NOXA1: variants seen among roughly 807,000 people sequenced by gnomAD.
The protein encoded by NOXA1 is NCF2-like protein.
A neutral mutation model predicts 64.8 loss-of-function variants in NOXA1; 56 were observed. That is an observed-to-expected ratio of 0.86 (90% CI 0.70 to 1.08). NOXA1 has a LOEUF of 1.08. Among genes scored for constraint, NOXA1 ranks in the 50% least tolerant of loss-of-function variants. The pLI is 0.00. For missense variants in NOXA1, 668 were observed against 658.5 expected, an observed-to-expected ratio of 1.01 and a Z score of -0.16; for synonymous variants, 295 against 294.8, an observed-to-expected ratio of 1.00 and a Z score of -0.01.
chr9:137,426,048 G>T (rs1838834712), intron 1 of NOXA1, among the ~76,000 whole-genome samples, 200 bp from the exon 2 acceptor site: 1 of 152,190 alleles, frequency 6.6e-6, no homozygotes, highest in East Asian at 1.9e-4. Flanking sequence ...GGTTGGGGTT[G>T]GGTGGGCTGT....
chr9:137,424,026 C>T (rs983713321), intron 1 of NOXA1, among the ~76,000 whole-genome samples: 12 of 152,164 alleles, frequency 7.9e-5, no homozygotes, highest in African/African-American at 2.9e-4. Flanking sequence ...GCCGGGAGAC[C>T]GGGTCAGTCT....
chr9:137,426,821 G>C (rs1838863866), intron 2 of NOXA1, among the ~76,000 whole-genome samples: 1 of 152,220 alleles, frequency 6.6e-6, no homozygotes, highest in South Asian at 2.1e-4. Context: ...TTTTGAGAAG[G>C]AGCCTTGCTC....
At chr9:137,430,914 C>A in intron 6 of NOXA1, 71 bp downstream of exon 6, 2 of 1,549,734 alleles carry the variant, frequency 1.3e-6, no homozygotes, top group South Asian at 2.4e-5. Context: ...GCTGCACAAG[C>A]TCTGAGCCCT....
chr9:137,424,628 G>A (rs376354930), intron 1 of NOXA1, among the ~76,000 whole-genome samples: 15 of 152,072 alleles, frequency 9.9e-5, no homozygotes, highest in African/African-American at 3.1e-4. Context: ...TAGTAGAAAC[G>A]GGTTTCACCA....
At chr9:137,434,125 G>T (rs776940568) in intron 13 of NOXA1, 46 bp downstream of exon 13, 2 of 1,582,670 alleles carry the variant, frequency 1.3e-6, no homozygotes, top group Non-Finnish European at 8.6e-7. Flanking sequence ...GGTGCCCGGG[G>T]TGTGGGGGGC....
At chr9:137,426,489 T>C (rs1838852213) in intron 2 of NOXA1, among the ~76,000 whole-genome samples, 159 bp downstream of exon 2, 1 of 151,814 alleles carries the variant, frequency 6.6e-6, no homozygotes, top group African/African-American at 2.4e-5. Flanking sequence ...ACTGTGGCCC[T>C]CGCCTCTGCT....
chr9:137,428,196 G>A, intron 3 of NOXA1, 55 bp downstream of exon 3: 2 of 1,286,722 alleles, frequency 1.6e-6, no homozygotes, highest in Non-Finnish European at 1.1e-6. Context: ...CACGGGCGGT[G>A]GCACTGTCAC....
rs755011988 is a variant in NOXA1 at position 137,434,322 on chromosome 9, G to A, written c.1393G>A (p.Gly465Ser). 21 of 1,608,156 alleles carry A rather than the reference G, an allele frequency of 1.3e-5. No homozygotes were observed. The African/African-American group carries it at 1.6e-4, about 12-fold the overall frequency. ...PAGPRMSGAP[G>S]RLPRSQQGDQ... Reference sequence around the variant, plus strand: ...CGGCCCTCGGATGTCAGGAGCCCCCGGCCGCCTGCCCCGATCCCAGCAGGG... The same window carrying A: ...CGGCCCTCGGATGTCAGGAGCCCCCAGCCGCCTGCCCCGATCCCAGCAGGG... The change falls in exon 14 of 14, where the codon GGC (glycine) becomes AGC (serine). Residue 465 changes from glycine to serine, a missense_variant. Coordinates refer to ENST00000683555, the MANE Select transcript of NOXA1 (RefSeq NM_001256067.2).
chr9:137,429,353 G>A lies in NOXA1; in HGVS notation c.582G>A (p.Leu194=), dbSNP rs771071788. The change falls in exon 5 of 14, where the codon TTG becomes TTA. Residue 194 remains leucine (L), a synonymous_variant. Transcript: ENST00000683555. ...CCCACCGGTGGCACCTGAAGCACTT[G>A]GAGCCCGTGGATTTCCTGGGCAAGG... ...FRPHRWHLKH[L]EPVDFLGKAK... The A allele has an allele frequency of 1.0e-5, 16 of 1,583,646 alleles. No homozygotes were observed. The highest frequency in any genetic ancestry group is 1.4e-5 in the Non-Finnish European group (16 of 1,166,202).
At position 137,429,406 on chromosome 9, in the gene NOXA1, G is replaced by A. The variant is rs1237190476; in HGVS notation, c.612+23G>A. ...AAGGTAAAGGTGGGGACGGCGTCCT[G>A]GGGCATGGCGGCTGGTGCTGAGCCC... On this transcript the variant is annotated intron_variant, in intron 5 of 13. Coordinates refer to ENST00000683555, the MANE Select transcript of NOXA1 (RefSeq NM_001256067.2). 6 of 1,492,498 alleles carry A rather than the reference G, an allele frequency of 4.0e-6. No homozygotes were observed. The South Asian group carries it at 7.3e-5, about 18-fold the overall frequency. 92.5% of individuals were successfully genotyped at this position (1,492,498 alleles called of 1,614,324 possible).
At position 137,430,763 on chromosome 9, in the gene NOXA1, C is replaced by T. The variant is rs1015441550; in HGVS notation, c.613-21C>T. Reference sequence around the variant, plus strand: ...GCTGGGCCGCTGATCCCTGACCCAGCGTCCCCACTGTCCCCGCCAGGTGGT... The same window carrying T: ...GCTGGGCCGCTGATCCCTGACCCAGTGTCCCCACTGTCCCCGCCAGGTGGT... On this transcript the variant is annotated intron_variant, in intron 5 of 13. Transcript: ENST00000683555. The T allele has an allele frequency of 1.3e-5, 21 of 1,585,930 alleles. 1 individual carries two copies. The South Asian group carries it at 1.5e-4, about 11-fold the overall frequency.
chr9:137,430,629 C>T (rs947657448), intron 5 of NOXA1, among the ~76,000 whole-genome samples, 155 bp from the exon 6 acceptor site: 1 of 152,238 alleles, frequency 6.6e-6, no homozygotes, highest in Non-Finnish European at 1.5e-5. Flanking sequence ...CAGACATTTC[C>T]CTCCATGGTG....
Position 137,423,625 on chromosome 9 carries a change from C to T in NOXA1, c.96C>T (p.Gly32=). 1 of 1,450,116 alleles carries T rather than the reference C, an allele frequency of 6.9e-7. No homozygotes were observed. The highest frequency in any genetic ancestry group is 9.1e-7 in the Non-Finnish European group (1 of 1,100,828). 89.8% of individuals were successfully genotyped at this position (1,450,116 alleles called of 1,614,324 possible). Residue 32 remains glycine (G), a synonymous_variant, in exon 1 of 14, where the codon GGC becomes GGT. Transcript: ENST00000683555. Reference sequence around the variant, plus strand: ...CCCGCGCCTTGCACCTCTTCTCGGGCGTCCCGGCGCCGCCCGCCAGGCTGT... The same window carrying T: ...CCCGCGCCTTGCACCTCTTCTCGGGTGTCCCGGCGCCGCCCGCCAGGCTGT... ...DWARALHLFS[G]VPAPPARLCF... is the part of the protein sequence containing the mutation.
chr9:137,429,802 G>T (rs528257189), intron 5 of NOXA1, among the ~76,000 whole-genome samples: 1 of 120,562 alleles, frequency 8.3e-6, no homozygotes, highest in African/African-American at 3.1e-5. Flanking sequence ...CACAGATAGC[G>T]AGGTCCCGGG....
In NOXA1 at chr9:137,423,410, C is replaced by T. The variant is rs1588456934; in HGVS notation, c.-120C>T. The T allele has an allele frequency of 1.5e-5, 8 of 537,472 alleles. No homozygotes were observed. Among genetic ancestry groups the T allele is most frequent in the African/African-American group, 6.1e-5 (3 of 49,292 alleles). 33.3% of individuals were successfully genotyped at this position (537,472 alleles called of 1,614,324 possible). A position where few individuals can be genotyped will look rare whatever the true frequency, so the allele number is the denominator to read the frequency against. ...CGCGGGGCAGCGGGGTTGCACCTGG[C>T]GCTTGGCGCCCGCACCTCTGCCCGC... On this transcript the variant is annotated 5_prime_UTR_variant, in exon 1 of 14. Transcript: ENST00000683555.
At position 137,433,648 on chromosome 9, in the gene NOXA1, A is replaced by C. The variant is rs201853163; in HGVS notation, c.1064+41A>C. On this transcript the variant is annotated intron_variant, in intron 11 of 13. Coordinates refer to ENST00000683555, the MANE Select transcript of NOXA1 (RefSeq NM_001256067.2). ...CCCGGTGGCTGCGGTGGAGCTGGGC[A>C]CCGCCCCGACTGAGGCAGCTGCTGG... 34 of 1,524,002 alleles carry C rather than the reference A, an allele frequency of 2.2e-5. No individual in the cohort carries two copies. In the East Asian group the frequency reaches 7.9e-4, roughly 36 times the overall value. 94.4% of individuals were successfully genotyped at this position (1,524,002 alleles called of 1,614,324 possible).
chr9:137,423,821 G>C (rs1838690173), intron 1 of NOXA1, 115 bp downstream of exon 1: 2 of 902,246 alleles, frequency 2.2e-6, no homozygotes, highest in Non-Finnish European at 2.9e-6. Context: ...CCGACCCAGC[G>C]AACGCCCCGG....
intron 1 of NOXA1, among the ~76,000 whole-genome samples, chr9:137,425,759 G>A (rs1171742257): frequency 6.6e-6 from 1 of 152,008 alleles, no homozygotes. Flanking sequence ...TGACAGCCAA[G>A]GTTGCCTGAG....
rs1317768308 is a variant in NOXA1 at position 137,433,951 on chromosome 9, C to T, written c.1180-14C>T. ...AGTGCCCGGCCCGACCTGCAGCCCA[C>T]TCTCCTGCCTCAGGGAGCCGGGGGT... On this transcript the variant is annotated splice_polypyrimidine_tract_variant and intron_variant, in intron 12 of 13. Transcript: ENST00000683555. 3.2e-6 allele frequency: 5 copies of T among 1,539,032 alleles called. No individual in the cohort carries two copies. Among genetic ancestry groups the T allele is most frequent in the Middle Eastern group, 1.7e-4 (1 of 5,962 alleles).
Sources: allele counts gnomAD v4.1 joint callset (sites outside exome capture counted in the v4.1 genomes callset), GRCh38; gene constraint gnomAD v4.1.1; transcripts MANE v1.5; gene names NCBI Gene and HGNC (gene_info 2026-07-23, HGNC 2026-07-21).